Variants in PGM5 observed in about 807,000 individuals in gnomAD.
PGM5 encodes phosphoglucomutase 5, also known as phosphoglucomutase-like protein 5.
PGM5 carries 23 observed loss-of-function variants against 59.2 expected under a neutral mutation model. The observed-to-expected ratio is 0.39, with a 90% CI of 0.28 to 0.55. The LOEUF (loss-of-function observed/expected upper bound fraction) is 0.55. PGM5 is among the 20% of genes least tolerant of loss of function. PGM5 has a pLI of 0.66. For missense variants in PGM5, 574 were observed against 748.3 expected, an observed-to-expected ratio of 0.77 and a Z score of 2.72; for synonymous variants, 214 against 286.0, an observed-to-expected ratio of 0.75 and a Z score of 2.54.
chr9:68,505,298 GT>G (rs1226837619), intron 10 of PGM5, among the ~76,000 whole-genome samples: 1 of 152,098 alleles, frequency 6.6e-6, no homozygotes, highest in Non-Finnish European at 1.5e-5. Flanking sequence ...TTATTGAGAG[GT>G]TTTTTCCTCA....
intron 1 of PGM5, among the ~76,000 whole-genome samples, chr9:68,376,821 C>CT (rs1231676429): frequency 9.0e-6 from 1 of 111,176 alleles, no homozygotes; most frequent in Non-Finnish European, 1.9e-5. Flanking sequence ...TTCTTTCTTT[C>CT]TTTCTTTCTT....
chr9:68,434,186 G>A (rs2132058177), intron 6 of PGM5, among the ~76,000 whole-genome samples: 1 of 151,870 alleles, frequency 6.6e-6, no homozygotes, highest in South Asian at 2.1e-4. Flanking sequence ...GCATGGTGGT[G>A]GGTGCCTGTA....
intron 6 of PGM5, among the ~76,000 whole-genome samples, chr9:68,439,444 A>C (rs1209557458): frequency 6.8e-6 from 1 of 146,416 alleles, no homozygotes; most frequent in Non-Finnish European, 1.5e-5. Context: ...AATATATATT[A>C]TATATGTAAA....
intron 7 of PGM5, among the ~76,000 whole-genome samples, chr9:68,470,200 A>T (rs1823998313): frequency 6.6e-6 from 1 of 152,170 alleles, no homozygotes; most frequent in African/African-American, 2.4e-5. Context: ...TTTATTTCTT[A>T]TGCCTGTAGT....
At chr9:68,495,975 C>G (rs115488241) in intron 9 of PGM5, among the ~76,000 whole-genome samples, 2,000 of 152,300 alleles carry the variant, frequency 0.013, 38 homozygotes, top group African/African-American at 0.044. Context: ...CTATTCATCT[C>G]TGCCACTGCA....
chr9:68,472,188 C>T (rs1011067806), intron 7 of PGM5, among the ~76,000 whole-genome samples: 12 of 152,122 alleles, frequency 7.9e-5, no homozygotes, highest in African/African-American at 2.7e-4. Context: ...ACCCTAATGA[C>T]CCCATTTTGT....
intron 6 of PGM5, among the ~76,000 whole-genome samples, chr9:68,431,375 G>A (rs1823344259): frequency 6.6e-6 from 1 of 152,230 alleles, no homozygotes; most frequent in Non-Finnish European, 1.5e-5. Context: ...AAGAAGAGAA[G>A]CTGATCAGGC....
chr9:68,484,486 C>T (rs1484214077), intron 9 of PGM5, among the ~76,000 whole-genome samples: 1 of 150,572 alleles, frequency 6.6e-6, no homozygotes, highest in Non-Finnish European at 1.5e-5. Flanking sequence ...TCTGCAGTGA[C>T]TCATGATCAC....
chr9:68,370,158 G>A (rs1821646081), intron 1 of PGM5, among the ~76,000 whole-genome samples: 1 of 152,178 alleles, frequency 6.6e-6, no homozygotes, highest in African/African-American at 2.4e-5. Context: ...CCTCTGTGTA[G>A]CATCAGGGAA....
intron 6 of PGM5, among the ~76,000 whole-genome samples, chr9:68,452,866 C>G (rs922860820): frequency 6.6e-6 from 1 of 152,194 alleles, no homozygotes; most frequent in East Asian, 1.9e-4. Flanking sequence ...CATCTCCTTT[C>G]TCAAGGCTCT....
intron 2 of PGM5, among the ~76,000 whole-genome samples, chr9:68,380,861 T>G (rs2131996196): frequency 6.6e-6 from 1 of 151,898 alleles, no homozygotes. Flanking sequence ...CTAGAAAAAC[T>G]AACCCAACAA....
At chr9:68,465,625 T>C (rs1823922023) in intron 7 of PGM5, among the ~76,000 whole-genome samples, 1 of 152,182 alleles carries the variant, frequency 6.6e-6, no homozygotes, top group Non-Finnish European at 1.5e-5. Flanking sequence ...CATTTCAAGA[T>C]GAATCTTTAA....
chr9:68,517,623 G>A (rs1175653364), intron 10 of PGM5, among the ~76,000 whole-genome samples: 3 of 152,198 alleles, frequency 2.0e-5, no homozygotes, highest in African/African-American at 7.2e-5. Context: ...GTTAATATGT[G>A]AGCTCAAGGT....
At chr9:68,485,434 T>C (rs1421446234) in intron 9 of PGM5, among the ~76,000 whole-genome samples, 2 of 152,162 alleles carry the variant, frequency 1.3e-5, no homozygotes, top group Non-Finnish European at 2.9e-5. Context: ...GGGTTTTTCC[T>C]GTGCAGTCTT....
At chr9:68,364,605 T>G (rs1267353843) in intron 1 of PGM5, among the ~76,000 whole-genome samples, 1 of 152,236 alleles carries the variant, frequency 6.6e-6, no homozygotes, top group Non-Finnish European at 1.5e-5. Flanking sequence ...GAATGAGCCC[T>G]TCTATGATTC....
chr9:68,478,705 C>T (rs1243595877), intron 7 of PGM5, among the ~76,000 whole-genome samples: 7 of 152,154 alleles, frequency 4.6e-5, no homozygotes, highest in Non-Finnish European at 8.8e-5. Flanking sequence ...ATAGCTTGCC[C>T]CTCTGTATTT....
chr9:68,466,041 C>A lies in PGM5; in HGVS notation c.1159+833C>A, dbSNP rs1244483176. Reference sequence around the variant, plus strand: ...TTTCAAATATTTCTCCTTCCCCATTCTTTGTCTCTTGTCCTTCTGAGGCTC... The same window carrying A: ...TTTCAAATATTTCTCCTTCCCCATTATTTGTCTCTTGTCCTTCTGAGGCTC... On this transcript the variant is annotated intron_variant, in intron 7 of 10. Coordinates refer to ENST00000396396, the MANE Select transcript of PGM5 (RefSeq NM_021965.4). 8.1e-6 allele frequency: 6 copies of A among 741,546 alleles called. No individual in the cohort carries two copies. The East Asian group carries it at 3.4e-4, about 42-fold the overall frequency. The allele number at this position is 741,546 out of a possible 1,614,324, so 45.9% of individuals were successfully genotyped here.
chr9:68,435,550 T>G (rs1459993233), intron 6 of PGM5, among the ~76,000 whole-genome samples: 1 of 152,202 alleles, frequency 6.6e-6, no homozygotes, highest in Non-Finnish European at 1.5e-5. Flanking sequence ...TTCTTTAACT[T>G]AGCCTCATGT....
chr9:68,472,708 A>G (rs1345471430), intron 7 of PGM5, among the ~76,000 whole-genome samples: 1 of 152,238 alleles, frequency 6.6e-6, no homozygotes, highest in Non-Finnish European at 1.5e-5. Context: ...AGCCCAGGGT[A>G]GAGTGCGAGT....
Sources: gnomAD v4.1 joint callset for allele counts (sites outside exome capture counted in the v4.1 genomes callset) on GRCh38, gnomAD v4.1.1 for gene constraint, MANE v1.5 for transcripts, NCBI Gene and HGNC (gene_info 2026-07-23, HGNC 2026-07-21) for gene names.